TPST2: variants seen among roughly 807,000 people sequenced by gnomAD.
TPST2 encodes the protein protein-tyrosine sulfotransferase 2.
A neutral mutation model predicts 27.8 loss-of-function variants in TPST2; 16 were observed. The ratio of observed to expected loss-of-function variants is 0.58; its 90% confidence interval spans 0.39 to 0.88. The LOEUF is 0.88. Among genes scored for constraint, TPST2 ranks in the 40% least tolerant of loss-of-function variants. The pLI is 0.00. For synonymous variants in TPST2, 229 were observed against 231.7 expected (o/e 0.99, Z 0.10); for missense variants, 464 against 543.1 (o/e 0.85, Z 1.45).
intron 1 of TPST2, among the ~76,000 whole-genome samples, chr22:26,545,927 A>C (rs1926097392): frequency 6.6e-6 from 1 of 151,928 alleles, no homozygotes; most frequent in South Asian, 2.1e-4. Flanking sequence ...AAAAAATAAA[A>C]AGTTATCCAG....
At chr22:26,542,139 G>A (rs1260408444) in intron 2 of TPST2, among the ~76,000 whole-genome samples, 3 of 152,052 alleles carry the variant, frequency 2.0e-5, no homozygotes, top group East Asian at 1.9e-4. Context: ...CTACTCGGGA[G>A]GCTGCGGCAG....
chr22:26,585,935 C>T (rs983299716), intron 1 of TPST2, among the ~76,000 whole-genome samples: 10 of 152,146 alleles, frequency 6.6e-5, no homozygotes, highest in South Asian at 2.1e-4. Context: ...TCCAGCTACT[C>T]GGGAGGCTGA....
At chr22:26,527,979 A>T (rs963916783) in intron 6 of TPST2, among the ~76,000 whole-genome samples, 1 of 152,182 alleles carries the variant, frequency 6.6e-6, no homozygotes, top group Non-Finnish European at 1.5e-5. Context: ...TGGTTGGTTC[A>T]GCGTTAATCC....
intron 1 of TPST2, among the ~76,000 whole-genome samples, chr22:26,568,792 T>C (rs1462814742): frequency 1.3e-5 from 2 of 152,156 alleles, no homozygotes; most frequent in African/African-American, 4.8e-5. Context: ...GCTCTGTCTA[T>C]GCAGTAGCCA....
At chr22:26,560,459 C>T (rs1407303437) in intron 1 of TPST2, 5 of 727,662 alleles carry the variant, frequency 6.9e-6, no homozygotes, top group Non-Finnish European at 1.2e-5. Flanking sequence ...ACAGAGACAG[C>T]GCCGGGGCAA....
chr22:26,536,285 C>T lies in TPST2; in HGVS notation c.1041+3G>A. ...ACTTCCACAAGTACAGGTGCACACT[C>T]ACCCGCTGTGTGTTGTTGATGACGA... is the stretch of plus-strand genomic sequence containing the variant. On this transcript the variant is annotated splice_donor_region_variant and intron_variant, in intron 4 of 6. Transcript: ENST00000338754. The T allele has an allele frequency of 6.2e-7, 1 of 1,614,188 alleles. No individual in the cohort carries two copies. The highest frequency in any genetic ancestry group is 8.5e-7 in the Non-Finnish European group (1 of 1,180,016).
intron 6 of TPST2, among the ~76,000 whole-genome samples, 151 bp from the exon 7 acceptor site, chr22:26,526,418 T>C (rs1924837894): frequency 6.6e-6 from 1 of 151,798 alleles, no homozygotes; most frequent in African/African-American, 2.4e-5. Context: ...CCAGAGAGAG[T>C]TTAAATTTAA....
At chr22:26,546,881 G>C (rs988462743) in intron 1 of TPST2, among the ~76,000 whole-genome samples, 1 of 152,192 alleles carries the variant, frequency 6.6e-6, no homozygotes, top group Non-Finnish European at 1.5e-5. Context: ...AGGGTGAAGG[G>C]AAGAGGAAGA....
chr22:26,567,194 C>G (rs902007186), intron 1 of TPST2, among the ~76,000 whole-genome samples: 4 of 152,210 alleles, frequency 2.6e-5, no homozygotes, highest in Non-Finnish European at 5.9e-5. Flanking sequence ...TGTACCTGAA[C>G]AGAAGAGGCT....
intron 5 of TPST2, among the ~76,000 whole-genome samples, chr22:26,530,762 C>T (rs540597373): frequency 6.6e-6 from 1 of 152,270 alleles, no homozygotes; most frequent in East Asian, 1.9e-4. Flanking sequence ...GTAATCCCAG[C>T]ATTTTGGGAG....
chr22:26,566,874 T>C (rs2147226211), intron 1 of TPST2, among the ~76,000 whole-genome samples: 1 of 152,266 alleles, frequency 6.6e-6, no homozygotes, highest in South Asian at 2.1e-4. Flanking sequence ...CATCTTGGAG[T>C]TTCTCAGTCT....
chr22:26,586,198 C>T (rs1313799411), intron 1 of TPST2, among the ~76,000 whole-genome samples: 1 of 152,016 alleles, frequency 6.6e-6, no homozygotes, highest in Non-Finnish European at 1.5e-5. Context: ...GGAGCCTTCC[C>T]ACCCCGTCTC....
At chr22:26,575,711 G>C (rs973872512) in intron 1 of TPST2, among the ~76,000 whole-genome samples, 2 of 152,124 alleles carry the variant, frequency 1.3e-5, no homozygotes, top group Non-Finnish European at 2.9e-5. Flanking sequence ...AAATGAAGAT[G>C]CAGGCCGGGC....
intron 5 of TPST2, 151 bp downstream of exon 5, chr22:26,532,544 G>A: frequency 3.5e-6 from 3 of 869,022 alleles, no homozygotes; most frequent in Non-Finnish European, 5.4e-6. Flanking sequence ...CTCCCAAAGT[G>A]CTGGGATTAC....
chr22:26,571,394 C>T (rs1369077701), intron 1 of TPST2, among the ~76,000 whole-genome samples: 3 of 152,178 alleles, frequency 2.0e-5, no homozygotes, highest in African/African-American at 7.2e-5. Flanking sequence ...CCTGCCCCGC[C>T]AACACGGCAC....
intron 1 of TPST2, among the ~76,000 whole-genome samples, chr22:26,552,362 G>A (rs184149371): frequency 6.6e-6 from 1 of 152,284 alleles, no homozygotes; most frequent in Non-Finnish European, 1.5e-5. Context: ...TGACAACCCT[G>A]GAGGGTGGGC....
intron 1 of TPST2, among the ~76,000 whole-genome samples, chr22:26,562,101 T>C (rs1279568375): frequency 6.6e-6 from 1 of 152,170 alleles, no homozygotes; most frequent in Non-Finnish European, 1.5e-5. Context: ...AATCCACAGA[T>C]ACAAAGACCA....
chr22:26,580,249 AAAG>A (rs1446521439), intron 1 of TPST2, among the ~76,000 whole-genome samples: 3 of 152,178 alleles, frequency 2.0e-5, no homozygotes, highest in Admixed American at 6.5e-5. Context: ...GAAAGAAAGA[AAAG>A]AAGAATAAGA....
intron 1 of TPST2, among the ~76,000 whole-genome samples, chr22:26,550,113 C>T (rs1484266781): frequency 6.6e-6 from 1 of 151,696 alleles, no homozygotes; most frequent in African/African-American, 2.4e-5. Flanking sequence ...TTTCCATTGA[C>T]CCTGAAATGT....
Sources: gnomAD v4.1 joint callset for allele counts (sites outside exome capture counted in the v4.1 genomes callset) on GRCh38, gnomAD v4.1.1 for gene constraint, MANE v1.5 for transcripts, NCBI Gene and HGNC (gene_info 2026-07-23, HGNC 2026-07-21) for gene names.